CACNA1B: variants seen among roughly 807,000 people sequenced by gnomAD.
The protein encoded by CACNA1B is calcium voltage-gated channel subunit alpha1 B, also known as voltage-dependent N-type calcium channel subunit alpha-1B.
Under a neutral mutation model 247.2 loss-of-function variants are expected in CACNA1B, and 70 were observed. That is an observed-to-expected ratio of 0.28 (90% CI 0.23 to 0.35). The LOEUF is 0.35. Ranked by LOEUF, CACNA1B falls within the 10% of genes least tolerant of loss-of-function variation. The pLI, the probability that CACNA1B is intolerant of heterozygous loss-of-function variation, is 1.00. For missense variants in CACNA1B, 2,367 were observed against 3,197.4 expected (o/e 0.74, Z 6.26); for synonymous variants, 1,231 against 1,294.4 (o/e 0.95, Z 1.05).
At chr9:137,904,352 C>CTTTTTTTTT (rs11351694) in intron 3 of CACNA1B, among the ~76,000 whole-genome samples, 1 of 80,394 alleles carries the variant, frequency 1.2e-5, no homozygotes, top group Non-Finnish European at 2.2e-5. Flanking sequence ...CTCTCTCTCT[C>CTTTTTTTTT]TTTTTTTTTT....
At chr9:138,065,657 A>G (rs886269158) in intron 31 of CACNA1B, among the ~76,000 whole-genome samples, 1 of 152,172 alleles carries the variant, frequency 6.6e-6, no homozygotes, top group African/African-American at 2.4e-5. Flanking sequence ...CAGGCTGGTC[A>G]GCACAATCCG....
chr9:137,920,783 C>G (rs1047558286), intron 6 of CACNA1B, among the ~76,000 whole-genome samples: 1 of 152,208 alleles, frequency 6.6e-6, no homozygotes, highest in Admixed American at 6.5e-5. Flanking sequence ...CTAGCACAAA[C>G]AGGCCTTGCT....
chr9:137,968,489 C>T (rs568982167), intron 10 of CACNA1B, among the ~76,000 whole-genome samples: 4 of 152,348 alleles, frequency 2.6e-5, no homozygotes, highest in East Asian at 1.9e-4. Context: ...GTGATGTGCA[C>T]GAGGGCCAGG....
At chr9:138,115,734 A>T (rs1961831803) in intron 42 of CACNA1B, 55 bp downstream of exon 42, 1 of 1,528,004 alleles carries the variant, frequency 6.5e-7, no homozygotes, top group Non-Finnish European at 8.9e-7. Context: ...AAGACAGTAA[A>T]GGGGGAAGCA....
intron 12 of CACNA1B, 32 bp downstream of exon 12, chr9:137,976,051 T>C (rs1179649344): frequency 7.6e-7 from 1 of 1,321,288 alleles, no homozygotes; most frequent in Non-Finnish European, 1.1e-6. Context: ...GGGCCCAGGC[T>C]GTATCCTTTC....
Position 138,059,540 on chromosome 9 carries a change from C to A in CACNA1B, c.4585-114C>A. On this transcript the variant is annotated intron_variant, in intron 30 of 46. Transcript: ENST00000371372. The surrounding 1 kb of genome is among the most constrained non-coding windows in gnomAD (Gnocchi z 4.2). Reference sequence around the variant, plus strand: ...CCTGGGGTGGCCTGTCTGCCCTGTGCTCAGGGTCTATCACCCTCACCGCTT... The same window carrying A: ...CCTGGGGTGGCCTGTCTGCCCTGTGATCAGGGTCTATCACCCTCACCGCTT... 1.4e-6 allele frequency: 1 copy of A among 729,556 alleles called. No homozygotes were observed. Among genetic ancestry groups the A allele is most frequent in the South Asian group, 1.6e-5 (1 of 61,948 alleles). The allele number at this position is 729,556 out of a possible 1,614,324, so 45.2% of individuals were successfully genotyped here. A position where few individuals can be genotyped will look rare whatever the true frequency, so the allele number is the denominator to read the frequency against.
intron 7 of CACNA1B, among the ~76,000 whole-genome samples, chr9:137,953,421 G>A (rs1742132134): frequency 6.6e-6 from 1 of 152,228 alleles, no homozygotes; most frequent in Non-Finnish European, 1.5e-5. Context: ...CAGGACAGGA[G>A]CAGCCAGAGT....
In CACNA1B at chr9:138,034,262, T is replaced by C. The variant is rs566590650; in HGVS notation, c.3286+9090T>C. On this transcript the variant is annotated intron_variant, in intron 20 of 46. Transcript: ENST00000371372. ...GCTGGGTGAGACGTGACGTCTAGGC[T>C]CCCCGTGTGATCTCTACTGGCATTG... Among the ~76,000 whole-genome samples the C allele has an allele frequency of 4.6e-5, 7 of 152,170 alleles. No homozygotes were observed. In the South Asian group the frequency reaches 1.5e-3, roughly 32 times the overall value.
chr9:137,996,763 A>G (rs2133396044), intron 15 of CACNA1B, among the ~76,000 whole-genome samples: 1 of 152,334 alleles, frequency 6.6e-6, no homozygotes, highest in South Asian at 2.1e-4. Context: ...CCAATTTTAT[A>G]CAGACTCCTC....
intron 36 of CACNA1B, among the ~76,000 whole-genome samples, chr9:138,084,068 C>T (rs903432428): frequency 6.6e-6 from 1 of 150,842 alleles, no homozygotes; most frequent in African/African-American, 2.5e-5. Context: ...CCCCACCCCG[C>T]CCAGGAGTAG....
chr9:138,022,240 AAG>A (rs974876283), intron 18 of CACNA1B, among the ~76,000 whole-genome samples: 1 of 152,112 alleles, frequency 6.6e-6, no homozygotes, highest in Non-Finnish European at 1.5e-5. Flanking sequence ...CCATGGAGTC[AAG>A]AGAGAGGAGG....
chr9:138,093,394 ACT>A (rs1233812943), intron 36 of CACNA1B, among the ~76,000 whole-genome samples: 2 of 128,182 alleles, frequency 1.6e-5, no homozygotes, highest in Non-Finnish European at 3.2e-5. Flanking sequence ...ACAGAGTGAG[ACT>A]CTGTCTCAAA....
intron 6 of CACNA1B, among the ~76,000 whole-genome samples, chr9:137,941,464 C>T (rs939465201): frequency 6.6e-6 from 1 of 152,182 alleles, no homozygotes; most frequent in Non-Finnish European, 1.5e-5. Flanking sequence ...ACATCCCATG[C>T]TTATGGATGG....
chr9:137,927,749 T>C (rs938417409), intron 6 of CACNA1B, among the ~76,000 whole-genome samples: 1 of 152,138 alleles, frequency 6.6e-6, no homozygotes, highest in East Asian at 1.9e-4. Context: ...AGCTGTACGG[T>C]TGAGTTGTTG....
intron 21 of CACNA1B, among the ~76,000 whole-genome samples, chr9:138,046,697 G>A (rs1272089859): frequency 2.0e-5 from 3 of 152,222 alleles, no homozygotes; most frequent in East Asian, 1.9e-4. Context: ...CCCCCGTCCC[G>A]GGAGGCCCTC....
intron 6 of CACNA1B, among the ~76,000 whole-genome samples, chr9:137,921,297 A>G (rs568480506): frequency 6.6e-6 from 1 of 151,448 alleles, no homozygotes; most frequent in South Asian, 2.1e-4. Flanking sequence ...TTCGGAGAAC[A>G]TGGTCAGCAC....
Position 138,073,847 on chromosome 9 carries a change from T to G in CACNA1B, c.4792-154T>G, listed in dbSNP as rs557402290. On this transcript the variant is annotated intron_variant, in intron 33 of 46. Coordinates refer to ENST00000371372, the MANE Select transcript of CACNA1B (RefSeq NM_000718.4). The surrounding 1 kb of genome is among the most constrained non-coding windows in gnomAD (Gnocchi z 6.4). ...GACTCCGAGTTAGAGATAAAGAAAC[T>G]GGGGCATCACTTGGTGGAGGGGCTT... is the stretch of plus-strand genomic sequence containing the variant. Among the ~76,000 whole-genome samples the G allele has an allele frequency of 8.5e-5, 13 of 152,296 alleles. No homozygotes were observed. Among genetic ancestry groups the G allele is most frequent in the African/African-American group, 3.1e-4 (13 of 41,566 alleles).
rs1056331731 is a variant in CACNA1B at position 137,881,683 on chromosome 9, G to C, written c.391-1061G>C. ...CTTGCCTTGCACAGGGCCTTTCCCTGCCAGCCCCACGCGTGTGCTCACGAG... is the reference window on the plus strand; with the variant it reads ...CTTGCCTTGCACAGGGCCTTTCCCTCCCAGCCCCACGCGTGTGCTCACGAG... On this transcript the variant is annotated intron_variant, in intron 2 of 46. Transcript: ENST00000371372. The surrounding 1 kb of genome is among the most constrained non-coding windows in gnomAD (Gnocchi z 4.3). Among the ~76,000 whole-genome samples the C allele has an allele frequency of 6.6e-6, 1 of 152,156 alleles. No homozygotes were observed.
At chr9:138,094,442 T>TAAAAAAAAAAAAAAAAAAAAAA (rs753995157) in intron 36 of CACNA1B, among the ~76,000 whole-genome samples, 10 of 93,664 alleles carry the variant, frequency 1.1e-4, no homozygotes, top group South Asian at 3.8e-4. Context: ...TTTACTACAG[T>TAAAAAAAAAAAAAAAAAAAAAA]AAAAAAAAAA....
Sources: gnomAD v4.1 joint callset for allele counts (sites outside exome capture counted in the v4.1 genomes callset) on GRCh38, gnomAD v4.1.1 for gene constraint, Gnocchi (gnomAD v3.1) non-coding constraint, MANE v1.5 for transcripts, NCBI Gene and HGNC (gene_info 2026-07-23, HGNC 2026-07-21) for gene names.